Variants in MMP26 observed in about 807,000 individuals in gnomAD.
MMP26 encodes matrix metalloproteinase-26.
Under a neutral mutation model 31.0 loss-of-function variants are expected in MMP26, and 33 were observed. The ratio of observed to expected loss-of-function variants is 1.06; its 90% CI spans 0.81 to 1.42. The LOEUF (loss-of-function observed/expected upper bound fraction) is 1.42, where lower values mean the gene tolerates loss of function less well. Among genes scored for constraint, MMP26 ranks in the 40% most tolerant of loss-of-function variants. MMP26 has a pLI of 0.00. For missense variants in MMP26, 347 were observed against 316.1 expected (o/e 1.10, Z -0.74); for synonymous variants, 122 against 114.9 (o/e 1.06, Z -0.40).
At chr11:4,915,819 G>T (rs770362362) in intron 2 of MMP26, 140 of 523,912 alleles carry the variant, frequency 2.7e-4, no homozygotes, top group Middle Eastern at 1.5e-3. Context: ...TGTCTTTCTG[G>T]TCCTTGACTT....
At chr11:4,849,270 G>T (rs545487139) in intron 2 of MMP26, 8 of 1,527,048 alleles carry the variant, frequency 5.2e-6, no homozygotes, top group Admixed American at 2.0e-5. Flanking sequence ...TTACTTAATC[G>T]CGTGCCAAAT....
At chr11:4,963,306 T>A (rs1020996037) in intron 2 of MMP26, among the ~76,000 whole-genome samples, 1 of 152,196 alleles carries the variant, frequency 6.6e-6, no homozygotes. Flanking sequence ...ATGGCCATAC[T>A]GCCCAAAGTA....
At chr11:4,739,016 G>A (rs921511005) in intron 1 of MMP26, among the ~76,000 whole-genome samples, 2 of 152,042 alleles carry the variant, frequency 1.3e-5, no homozygotes, top group Non-Finnish European at 2.9e-5. Flanking sequence ...TTTCTTATCT[G>A]TTGTCACTAT....
chr11:4,779,918 C>T (rs560388594), intron 2 of MMP26, among the ~76,000 whole-genome samples: 59 of 152,090 alleles, frequency 3.9e-4, no homozygotes, highest in African/African-American at 1.4e-3. Flanking sequence ...AGTAACTGAA[C>T]TTTGTATAAA....
intron 2 of MMP26, chr11:4,882,878 G>T: frequency 1.9e-6 from 3 of 1,609,738 alleles, no homozygotes; most frequent in East Asian, 2.2e-5. Context: ...GGGAAGATGG[G>T]ATTGAAGGTA....
chr11:4,845,565 A>C (rs190234650), intron 2 of MMP26, among the ~76,000 whole-genome samples: 38 of 152,314 alleles, frequency 2.5e-4, no homozygotes, highest in Non-Finnish European at 4.6e-4. Context: ...TCCCACAAGC[A>C]CAGGCAACCT....
intron 1 of MMP26, chr11:4,710,217 C>T (rs750025760): frequency 8.8e-6 from 4 of 456,726 alleles, no homozygotes; most frequent in South Asian, 6.2e-5. Context: ...TGTCTTGATC[C>T]TCATCTCCTA....
rs1201166720 is a variant in MMP26 at position 4,959,175 on chromosome 11, T to C, written c.-144-28893T>C. On this transcript the variant is annotated intron_variant, in intron 2 of 7. Transcript: ENST00000380390. ...ACGGCGTGAATACGGGAGGCGGAGC[T>C]TGCAGTGAGCTGAGATCTCGCCACC... 1.8e-4 allele frequency among the ~76,000 whole-genome samples: 25 copies of C among 142,380 alleles called. 1 individual carries two copies. The Admixed American group carries it at 1.9e-3, about 11-fold the overall frequency. The allele number at this position is 142,380 out of a possible 152,430, so 93.4% of individuals were successfully genotyped here.
chr11:4,974,445 T>C (rs1197682326), intron 2 of MMP26, among the ~76,000 whole-genome samples: 2 of 152,096 alleles, frequency 1.3e-5, no homozygotes, highest in Non-Finnish European at 2.9e-5. Flanking sequence ...CTTTTATATC[T>C]CTCAAAAATA....
At chr11:4,790,726 A>G (rs1258877875) in intron 2 of MMP26, among the ~76,000 whole-genome samples, 1 of 152,200 alleles carries the variant, frequency 6.6e-6, no homozygotes. Context: ...TGATCAATAC[A>G]CATGTTGCCT....
intron 2 of MMP26, chr11:4,882,285 G>T: frequency 6.2e-7 from 1 of 1,613,958 alleles, no homozygotes; most frequent in Non-Finnish European, 8.5e-7. Context: ...GTGGCTATCT[G>T]TAACCCACTG....
chr11:4,840,058 G>C (rs1849773200), intron 2 of MMP26, among the ~76,000 whole-genome samples: 1 of 152,136 alleles, frequency 6.6e-6, no homozygotes. Context: ...ATGGCCAGTA[G>C]TGGCAGGTGG....
At chr11:4,857,576 A>G (rs1380973310) in intron 2 of MMP26, among the ~76,000 whole-genome samples, 2 of 152,190 alleles carry the variant, frequency 1.3e-5, no homozygotes, top group Non-Finnish European at 2.9e-5. Context: ...AATTGAGGCA[A>G]TAATTAATAG....
intron 1 of MMP26, among the ~76,000 whole-genome samples, chr11:4,713,069 G>A (rs74358458): frequency 0.085 from 12,892 of 151,806 alleles, 746 homozygotes; most frequent in Admixed American, 0.16. Flanking sequence ...TTCTATAAAC[G>A]GATATATCAG....
intron 2 of MMP26, among the ~76,000 whole-genome samples, chr11:4,891,346 A>G (rs571897794): frequency 2.6e-5 from 4 of 152,190 alleles, no homozygotes; most frequent in African/African-American, 9.6e-5. Flanking sequence ...ACAAAGTGAG[A>G]GGGGGAAGGG....
chr11:4,915,223 G>A (rs1261911210), intron 2 of MMP26: 1 of 1,613,924 alleles, frequency 6.2e-7, no homozygotes, highest in South Asian at 1.1e-5. Context: ...GGCCAATCCT[G>A]CCAATGACTG....
At chr11:4,882,399 CTG>C (rs1435679116) in intron 2 of MMP26, 8 of 1,613,816 alleles carry the variant, frequency 5.0e-6, no homozygotes, top group Non-Finnish European at 5.9e-6. Context: ...GCCATAAACA[CTG>C]TGTCTTTTCA....
intron 2 of MMP26, among the ~76,000 whole-genome samples, chr11:4,987,555 A>T (rs1846922933): frequency 6.6e-6 from 1 of 151,752 alleles, no homozygotes; most frequent in Admixed American, 6.6e-5. Context: ...AGTAGCTGGG[A>T]CTACAGGCGC....
At chr11:4,898,831 CTGTG>C (rs1157500335) in intron 2 of MMP26, among the ~76,000 whole-genome samples, 7,078 of 94,016 alleles carry the variant, frequency 0.075, 204 homozygotes, top group South Asian at 0.12. Flanking sequence ...CTCTCTCTCT[CTGTG>C]TGTGTGTGTG....
Sources: allele counts gnomAD v4.1 joint callset (sites outside exome capture counted in the v4.1 genomes callset), GRCh38; gene constraint gnomAD v4.1.1; transcripts MANE v1.5; gene names NCBI Gene and HGNC (gene_info 2026-07-23, HGNC 2026-07-21).